Variants in NKAIN2 observed in about 807,000 individuals in gnomAD.
The protein encoded by NKAIN2 is sodium/potassium-transporting ATPase subunit beta-1-interacting protein 2.
A neutral mutation model predicts 32.6 loss-of-function variants in NKAIN2; 14 were observed. The observed-to-expected ratio is 0.43, with a 90% CI of 0.28 to 0.67. The LOEUF (loss-of-function observed/expected upper bound fraction) is 0.67. Among genes scored for constraint, NKAIN2 ranks in the 30% least tolerant of loss-of-function variants. The probability of loss-of-function intolerance (pLI) is 0.17; values close to 1 mark genes in which losing one functional copy is unlikely to be tolerated. For synonymous variants in NKAIN2, 80 were observed against 87.2 expected (o/e 0.92, Z 0.46); for missense variants, 198 against 258.3 (o/e 0.77, Z 1.60).
chr6:124,815,863 A>G (rs1781139396), intron 5 of NKAIN2, among the ~76,000 whole-genome samples: 1 of 152,124 alleles, frequency 6.6e-6, no homozygotes, highest in Non-Finnish European at 1.5e-5. Context: ...TTTACACCAT[A>G]TGTCTCATCC....
intron 1 of NKAIN2, among the ~76,000 whole-genome samples, chr6:124,194,709 A>G (rs1164360932): frequency 1.3e-5 from 2 of 152,158 alleles, no homozygotes; most frequent in African/African-American, 2.4e-5. Flanking sequence ...TTATTTCTGC[A>G]TATAGTATTA....
chr6:124,711,181 C>G (rs201134707), intron 4 of NKAIN2, among the ~76,000 whole-genome samples: 160 of 136,324 alleles, frequency 1.2e-3, no homozygotes, highest in African/African-American at 3.9e-3. Context: ...TGGCTTGTAG[C>G]GTTTCTGCTG....
At position 123,825,575 on chromosome 6, in the gene NKAIN2, C is replaced by T. The variant is rs147534027; in HGVS notation, c.54+21321C>T. On this transcript the variant is annotated intron_variant, in intron 1 of 6. Coordinates refer to ENST00000368417, the MANE Select transcript of NKAIN2 (RefSeq NM_001040214.3). Reference sequence around the variant, plus strand: ...AATGGATAATTTACTTTTTCTCAGACGCCATTAAAAGGATCATTAGAGTAT... The same window carrying T: ...AATGGATAATTTACTTTTTCTCAGATGCCATTAAAAGGATCATTAGAGTAT... 9.3e-3 allele frequency among the ~76,000 whole-genome samples: 1,419 copies of T among 152,130 alleles called. 12 individuals carry two copies. The highest frequency in any genetic ancestry group is 0.011 in the Non-Finnish European group (754 of 68,002).
chr6:124,591,357 G>T (rs1228851287), intron 3 of NKAIN2, among the ~76,000 whole-genome samples: 1 of 152,178 alleles, frequency 6.6e-6, no homozygotes, highest in African/African-American at 2.4e-5. Flanking sequence ...GAGTGGAGAA[G>T]AAAATTCTAT....
intron 1 of NKAIN2, among the ~76,000 whole-genome samples, chr6:123,941,490 T>A (rs961965243): frequency 5.9e-5 from 9 of 151,890 alleles, no homozygotes; most frequent in Admixed American, 1.3e-4. Context: ...CACCGCTATG[T>A]TATGATGGTG....
intron 1 of NKAIN2, among the ~76,000 whole-genome samples, chr6:124,041,849 A>G (rs528760369): frequency 2.6e-5 from 4 of 152,246 alleles, no homozygotes; most frequent in African/African-American, 9.6e-5. Flanking sequence ...TAACCTAATC[A>G]ATAGCTACTC....
intron 3 of NKAIN2, among the ~76,000 whole-genome samples, chr6:124,641,102 G>A (rs1051730525): frequency 2.6e-5 from 4 of 152,092 alleles, no homozygotes; most frequent in Admixed American, 6.6e-5. Context: ...GTTGCTATTC[G>A]TACATATAAA....
At chr6:123,842,860 T>TG (rs1774932235) in intron 1 of NKAIN2, among the ~76,000 whole-genome samples, 1 of 152,190 alleles carries the variant, frequency 6.6e-6, no homozygotes, top group Non-Finnish European at 1.5e-5. Flanking sequence ...TCCTCTTATC[T>TG]GGTCCAGTTC....
chr6:124,022,785 A>T (rs1296224860), intron 1 of NKAIN2, among the ~76,000 whole-genome samples: 1 of 152,126 alleles, frequency 6.6e-6, no homozygotes, highest in Non-Finnish European at 1.5e-5. Flanking sequence ...TAATTTGCCC[A>T]TCCTTTCTTT....
intron 1 of NKAIN2, among the ~76,000 whole-genome samples, chr6:124,120,580 A>T (rs1441717188): frequency 6.6e-6 from 1 of 152,182 alleles, no homozygotes; most frequent in African/African-American, 2.4e-5. Context: ...TAAGACAACT[A>T]AAGTCTTTTA....
chr6:124,144,590 A>G (rs1046524615), intron 1 of NKAIN2, among the ~76,000 whole-genome samples: 2 of 152,190 alleles, frequency 1.3e-5, no homozygotes, highest in Non-Finnish European at 2.9e-5. Flanking sequence ...AAAAAAATAA[A>G]GAATCTTGAT....
At chr6:124,441,981 A>G (rs1044723266) in intron 3 of NKAIN2, among the ~76,000 whole-genome samples, 4 of 152,060 alleles carry the variant, frequency 2.6e-5, no homozygotes, top group African/African-American at 4.8e-5. Context: ...TTACATACAC[A>G]TAAGACTAGC....
intron 1 of NKAIN2, chr6:123,828,991 C>G (rs961201517): frequency 1.3e-5 from 2 of 152,104 alleles, no homozygotes; most frequent in African/African-American, 4.8e-5. Context: ...TCTGTAGGTG[C>G]TCAATAAATA....
intron 4 of NKAIN2, among the ~76,000 whole-genome samples, chr6:124,696,854 T>C (rs1483316017): frequency 6.6e-6 from 1 of 151,950 alleles, no homozygotes; most frequent in Non-Finnish European, 1.5e-5. Flanking sequence ...TGTTCCACAG[T>C]TGAAACAATC....
intron 1 of NKAIN2, among the ~76,000 whole-genome samples, chr6:124,124,894 T>C (rs1786083955): frequency 6.6e-6 from 1 of 152,192 alleles, no homozygotes. Context: ...TACTTGTAAC[T>C]AGAGCTAATA....
Position 123,886,881 on chromosome 6 carries a change from AG to A in NKAIN2, c.54+82628del, listed in dbSNP as rs1371110441. 2.0e-5 allele frequency among the ~76,000 whole-genome samples: 3 copies of A among 152,128 alleles called. No homozygotes were observed. The East Asian group carries it at 5.8e-4, about 29-fold the overall frequency. ...AAAAAAATATTGTTGAAAAATACTT[AG>A]TGAAACTTAATAACAGGGCACAGTG... On this transcript the variant is annotated intron_variant, in intron 1 of 6. Coordinates refer to ENST00000368417, the MANE Select transcript of NKAIN2 (RefSeq NM_001040214.3).
chr6:124,267,720 T>A (rs940489199), intron 1 of NKAIN2, among the ~76,000 whole-genome samples: 7 of 152,216 alleles, frequency 4.6e-5, no homozygotes, highest in African/African-American at 1.7e-4. Context: ...CAGTGATAGA[T>A]ACATATCTGA....
chr6:124,154,756 T>A (rs1335131406), intron 1 of NKAIN2, among the ~76,000 whole-genome samples: 1 of 152,000 alleles, frequency 6.6e-6, no homozygotes, highest in Non-Finnish European at 1.5e-5. Flanking sequence ...TTCTAGGACC[T>A]TCTTGGAAAT....
intron 1 of NKAIN2, among the ~76,000 whole-genome samples, chr6:123,990,735 A>G (rs551714983): frequency 6.6e-6 from 1 of 152,320 alleles, no homozygotes; most frequent in East Asian, 1.9e-4. Flanking sequence ...AAAGTTAAGA[A>G]TTTACCCCCA....
Sources: allele counts gnomAD v4.1 joint callset (sites outside exome capture counted in the v4.1 genomes callset), GRCh38; gene constraint gnomAD v4.1.1; transcripts MANE v1.5; gene names NCBI Gene and HGNC (gene_info 2026-07-23, HGNC 2026-07-21).